PDE11A: variants seen among roughly 807,000 people sequenced by gnomAD.
PDE11A encodes the protein dual 3',5'-cyclic-AMP and -GMP phosphodiesterase 11A.
A neutral mutation model predicts 100.5 loss-of-function variants in PDE11A; 100 were observed. That is an observed-to-expected ratio of 1.00 (90% CI 0.85 to 1.18). The LOEUF is 1.18. PDE11A is among the 50% of genes most tolerant of loss of function. PDE11A has a pLI of 0.00. For synonymous variants in PDE11A, 381 were observed against 420.8 expected (o/e 0.91, Z 1.16); for missense variants, 1,141 against 1,152.6 (o/e 0.99, Z 0.15).
chr2:177,836,826 C>T (rs1574196383), intron 6 of PDE11A, among the ~76,000 whole-genome samples: 1 of 152,126 alleles, frequency 6.6e-6, no homozygotes, highest in Non-Finnish European at 1.5e-5. Context: ...ACACTCACCA[C>T]GAAGGTCTGC....
chr2:177,941,352 C>T (rs2085343618), intron 2 of PDE11A, among the ~76,000 whole-genome samples: 1 of 152,024 alleles, frequency 6.6e-6, no homozygotes, highest in South Asian at 2.1e-4. Flanking sequence ...TTCCTCAATC[C>T]CCAAACCCTA....
chr2:177,701,118 T>C lies in PDE11A; in HGVS notation c.2244+3A>G. On this transcript the variant is annotated splice_donor_region_variant and intron_variant, in intron 14 of 19. Coordinates refer to ENST00000286063, the MANE Select transcript of PDE11A (RefSeq NM_016953.4). ...GGGGAGAAGCAGAACATCAGGCCTG[T>C]ACCTCACTTTGAAGGATCATCACGG... is the stretch of plus-strand genomic sequence containing the variant. 3 of 1,487,428 alleles carry C rather than the reference T, an allele frequency of 2.0e-6. No individual in the cohort carries two copies. The highest frequency in any genetic ancestry group is 2.8e-6 in the Non-Finnish European group (3 of 1,064,496). 92.1% of individuals were successfully genotyped at this position (1,487,428 alleles called of 1,614,324 possible).
chr2:178,071,798 T>C lies in PDE11A; in HGVS notation c.640A>G (p.Asn214Asp). ...FFLELVKDIS[N>D]DLDLTSLSYK... ...CTCAGGCTGGTGAGGTCAAGGTCAT[T>C]GGAGATATCTTTGACCAATTCCAGA... The change falls in exon 1 of 20, where the codon AAT becomes GAT. Residue 214 changes from asparagine (N) to aspartate (D), a missense_variant. Physicochemically the swap from Asn to Asp is conservative, Grantham distance 23. Transcript: ENST00000286063. 6.2e-7 allele frequency: 1 copy of C among 1,612,768 alleles called. No individual in the cohort carries two copies. Among genetic ancestry groups the C allele is most frequent in the Non-Finnish European group, 8.5e-7 (1 of 1,178,784 alleles).
At chr2:177,770,055 C>G (rs1215541137) in intron 9 of PDE11A, among the ~76,000 whole-genome samples, 1 of 152,120 alleles carries the variant, frequency 6.6e-6, no homozygotes, top group Non-Finnish European at 1.5e-5. Flanking sequence ...ATTTCCTCAC[C>G]TATTCTCATT....
At chr2:178,051,418 A>G (rs571888809) in intron 1 of PDE11A, among the ~76,000 whole-genome samples, 1 of 152,340 alleles carries the variant, frequency 6.6e-6, no homozygotes, top group Non-Finnish European at 1.5e-5. Flanking sequence ...AATTATAAAG[A>G]CCATCGATGC....
In PDE11A at chr2:178,072,637, C is replaced by CCCGT; in HGVS notation, c.-204_-201dup. ...TCAGAGTGGCTGGCGCCGACCCCAC[C>CCCGT]CCGTGGTCCTGCTACTCCTGCTCCG... On this transcript the variant is annotated 5_prime_UTR_variant, in exon 1 of 20. Transcript: ENST00000286063. 2 of 1,478,592 alleles carry CCCGT rather than the reference C, an allele frequency of 1.4e-6. No individual in the cohort carries two copies. Among genetic ancestry groups the CCCGT allele is most frequent in the Non-Finnish European group, 1.8e-6 (2 of 1,118,082 alleles). The allele number at this position is 1,478,592 out of a possible 1,614,324, so 91.6% of individuals were successfully genotyped here. A position where few individuals can be genotyped will look rare whatever the true frequency, so the allele number is the denominator to read the frequency against.
At chr2:177,824,990 C>T (rs2105594049) in intron 6 of PDE11A, among the ~76,000 whole-genome samples, 1 of 152,176 alleles carries the variant, frequency 6.6e-6, no homozygotes, top group East Asian at 1.9e-4. Context: ...AGATAATAAA[C>T]ACAGATAATT....
intron 12 of PDE11A, among the ~76,000 whole-genome samples, chr2:177,726,426 T>C (rs2081600273): frequency 6.6e-6 from 1 of 152,128 alleles, no homozygotes; most frequent in Admixed American, 6.6e-5. Flanking sequence ...AAGTAGATGC[T>C]GTTGAAAAAA....
At chr2:177,866,761 G>T (rs1189067370) in intron 5 of PDE11A, among the ~76,000 whole-genome samples, 1 of 152,178 alleles carries the variant, frequency 6.6e-6, no homozygotes, top group African/African-American at 2.4e-5. Context: ...TAATTCGAAG[G>T]ATAATATATG....
At chr2:177,673,521 C>G (rs766609188) in intron 17 of PDE11A, among the ~76,000 whole-genome samples, 1 of 152,096 alleles carries the variant, frequency 6.6e-6, no homozygotes, top group Admixed American at 6.6e-5. Flanking sequence ...GAATGGGAGT[C>G]TTTGGGTGCA....
intron 19 of PDE11A, among the ~76,000 whole-genome samples, chr2:177,631,568 T>C (rs1443624108): frequency 4.0e-4 from 15 of 37,184 alleles, no homozygotes; most frequent in South Asian, 1.5e-3. Context: ...TATATATATA[T>C]ACATGTATAT....
In PDE11A at chr2:177,782,870, A is replaced by C. The variant is rs549426986; in HGVS notation, c.1738-13497T>G. ...CCATCCTTCCCTTCCTTCTTTCTCT[A>C]TCTCTCCCCTCTCCACTTGCTTTCT... On this transcript the variant is annotated intron_variant, in intron 9 of 19. Coordinates refer to ENST00000286063, the MANE Select transcript of PDE11A (RefSeq NM_016953.4). 7.0e-5 allele frequency among the ~76,000 whole-genome samples: 10 copies of C among 143,082 alleles called. No individual in the cohort carries two copies. The East Asian group carries it at 1.8e-3, about 26-fold the overall frequency. 93.9% of individuals were successfully genotyped at this position (143,082 alleles called of 152,430 possible). A position where few individuals can be genotyped will look rare whatever the true frequency, so the allele number is the denominator to read the frequency against.
At chr2:177,776,784 G>A (rs1306785269) in intron 9 of PDE11A, among the ~76,000 whole-genome samples, 3 of 152,098 alleles carry the variant, frequency 2.0e-5, no homozygotes, top group South Asian at 4.1e-4. Flanking sequence ...AAAGATAGCC[G>A]TCACCAGAAC....
At chr2:177,971,793 T>G (rs2085773700) in intron 2 of PDE11A, among the ~76,000 whole-genome samples, 3 of 152,094 alleles carry the variant, frequency 2.0e-5, no homozygotes, top group Admixed American at 6.5e-5. Context: ...ACTCAACTTA[T>G]TACAGAGCTG....
chr2:177,631,823 G>A (rs2079955014), intron 19 of PDE11A, among the ~76,000 whole-genome samples: 1 of 151,720 alleles, frequency 6.6e-6, no homozygotes, highest in South Asian at 2.1e-4. Flanking sequence ...ATGAGGGGGA[G>A]CTTCTGTTAA....
At chr2:177,882,607 G>T (rs1368633898) in intron 4 of PDE11A, among the ~76,000 whole-genome samples, 4 of 152,134 alleles carry the variant, frequency 2.6e-5, no homozygotes, top group African/African-American at 7.2e-5. Context: ...AATATCAGAA[G>T]TGGTTTCTAA....
At chr2:178,036,255 G>A (rs762635318) in intron 1 of PDE11A, among the ~76,000 whole-genome samples, 7 of 152,150 alleles carry the variant, frequency 4.6e-5, no homozygotes, top group Admixed American at 2.0e-4. Context: ...GCCATGTCAT[G>A]AGTGAACTCC....
At chr2:177,812,584 C>T (rs1337951709) in intron 9 of PDE11A, among the ~76,000 whole-genome samples, 2 of 151,872 alleles carry the variant, frequency 1.3e-5, no homozygotes, top group Non-Finnish European at 2.9e-5. Context: ...TTCAAGCAGG[C>T]AGATAAGCTA....
chr2:177,889,243 A>G (rs2084489992), intron 4 of PDE11A, among the ~76,000 whole-genome samples: 1 of 152,194 alleles, frequency 6.6e-6, no homozygotes, highest in African/African-American at 2.4e-5. Context: ...GTCCTCCAGC[A>G]CAGGAGACTG....
Sources: gnomAD v4.1 joint callset for allele counts (sites outside exome capture counted in the v4.1 genomes callset) on GRCh38, gnomAD v4.1.1 for gene constraint, MANE v1.5 for transcripts, NCBI Gene and HGNC (gene_info 2026-07-23, HGNC 2026-07-21) for gene names.